The following GDA variants were observed in gnomAD, a reference collection of about 807,000 sequenced individuals.
The protein encoded by GDA is guanine deaminase, also known as cytoplasmic PSD-95 interactor.
GDA carries 18 observed loss-of-function variants against 59.6 expected under a neutral mutation model. The observed-to-expected ratio is 0.30, with a 90% CI of 0.21 to 0.45. GDA has a LOEUF of 0.45. GDA is among the 20% of genes least tolerant of loss of function. GDA has a pLI of 1.00. For synonymous variants in GDA, 201 were observed against 201.1 expected (o/e 1.00, Z 0.00); for missense variants, 427 against 552.3 (o/e 0.77, Z 2.27).
intron 1 of GDA, among the ~76,000 whole-genome samples, chr9:72,132,440 G>T (rs1303961988): frequency 2.0e-5 from 3 of 152,170 alleles, no homozygotes; most frequent in Non-Finnish European, 4.4e-5. Flanking sequence ...AAAAAACAAT[G>T]CCTCATACCA....
chr9:72,219,422 A>G, intron 5 of GDA, 57 bp from the exon 6 acceptor site: 1 of 1,287,420 alleles, frequency 7.8e-7, no homozygotes, highest in Non-Finnish European at 1.1e-6. Flanking sequence ...ATAATAATAA[A>G]GAAAAGAAAA....
At chr9:72,197,558 C>G (rs1281646524) in intron 2 of GDA, 2 of 152,070 alleles carry the variant, frequency 1.3e-5, no homozygotes, top group Admixed American at 6.6e-5. Context: ...GTAAACATAA[C>G]TGTGGGTCTT....
At position 72,137,242 on chromosome 9, in the gene GDA, C is replaced by CTTTTTTTT. The variant is rs143364725; in HGVS notation, c.-100+22423_-100+22430dup. The stretch of plus-strand genomic sequence containing the variant: ...AAAATTAGGATCCTTTTCTTTTTTT[C>CTTTTTTTT]TTTTTTTTTTTTTTTTTTTTTGAGA... On this transcript the variant is annotated intron_variant, in intron 1 of 13. Transcript: ENST00000545168. Among the ~76,000 whole-genome samples, 674 of 84,518 alleles carry CTTTTTTTT rather than the reference C, an allele frequency of 8.0e-3. 1 individual carries two copies. The highest frequency in any genetic ancestry group is 0.01 in the African/African-American group (217 of 21,516). The allele number at this position is 84,518 out of a possible 152,430, so 55.4% of individuals were successfully genotyped here.
chr9:72,126,048 C>T (rs1825835468), intron 1 of GDA, among the ~76,000 whole-genome samples: 1 of 152,032 alleles, frequency 6.6e-6, no homozygotes, highest in Non-Finnish European at 1.5e-5. Context: ...TCCTGAGTAG[C>T]TAGGACTAGA....
At chr9:72,146,064 C>T (rs936665459), upstream of GDA, among the ~76,000 whole-genome samples, 1 of 150,630 alleles carries the variant, frequency 6.6e-6, no homozygotes, top group African/African-American at 2.4e-5. Flanking sequence ...TTACAGCACA[C>T]CCACAAACTC....
chr9:72,248,212 A>G, intron 13 of GDA, 60 bp from the exon 14 acceptor site: 1 of 1,157,242 alleles, frequency 8.6e-7, no homozygotes. Flanking sequence ...TCCCAATGGC[A>G]AGGAAGATAC....
At chr9:72,119,258 A>T (rs779434511) in intron 1 of GDA, among the ~76,000 whole-genome samples, 8 of 152,188 alleles carry the variant, frequency 5.3e-5, no homozygotes, top group Non-Finnish European at 1.0e-4. Flanking sequence ...CAATCCCAGC[A>T]CTTCAGGAGG....
Position 72,248,865 on chromosome 9 carries a change from T to A in GDA, c.*523T>A, listed in dbSNP as rs1273622282. 1.0e-6 allele frequency: 1 copy of A among 985,086 alleles called. No individual in the cohort carries two copies. The highest frequency in any genetic ancestry group is 1.7e-5 in the African/African-American group (1 of 57,226). The allele number at this position is 985,086 out of a possible 1,614,324, so 61.0% of individuals were successfully genotyped here. A position where few individuals can be genotyped will look rare whatever the true frequency, so the allele number is the denominator to read the frequency against. On this transcript the variant is annotated 3_prime_UTR_variant, in exon 14 of 14. Transcript: ENST00000358399. The stretch of plus-strand genomic sequence containing the variant: ...CATACTAATTTAAAAAGAGAACTTG[T>A]TGAAATTTAAAACGTGTTTCTAGGT...
At chr9:72,118,196 C>T (rs1484523247) in intron 1 of GDA, among the ~76,000 whole-genome samples, 3 of 130,092 alleles carry the variant, frequency 2.3e-5, no homozygotes, top group East Asian at 2.4e-4. Context: ...GGCGTGAACC[C>T]GGGAGGCGGA....
At chr9:72,143,021 G>A (rs993203716) in intron 1 of GDA, among the ~76,000 whole-genome samples, 4 of 151,610 alleles carry the variant, frequency 2.6e-5, no homozygotes, top group East Asian at 1.9e-4. Context: ...CACCTGCCTC[G>A]GCCTCCCAAA....
At chr9:72,216,106 G>A (rs1032240093) in intron 5 of GDA, among the ~76,000 whole-genome samples, 1 of 152,198 alleles carries the variant, frequency 6.6e-6, no homozygotes, top group Non-Finnish European at 1.5e-5. Flanking sequence ...GATCCTCCAC[G>A]GCTCAGGAAA....
At chr9:72,230,290 C>T (rs979023999) in intron 9 of GDA, among the ~76,000 whole-genome samples, 6 of 151,982 alleles carry the variant, frequency 3.9e-5, no homozygotes, top group Non-Finnish European at 8.8e-5. Flanking sequence ...GTCAAGAGTT[C>T]GAGACCAGCC....
chr9:72,202,508 T>C, intron 2 of GDA, 63 bp from the exon 3 acceptor site: 2 of 1,144,620 alleles, frequency 1.7e-6, no homozygotes, highest in Non-Finnish European at 2.5e-6. Context: ...AAAATGTGAT[T>C]TAAAAATATG....
At chr9:72,180,627 T>C (rs529542439) in intron 1 of GDA, among the ~76,000 whole-genome samples, 3 of 152,348 alleles carry the variant, frequency 2.0e-5, no homozygotes, top group African/African-American at 7.2e-5. Flanking sequence ...TGTTTGATGA[T>C]TTCAGGATTC....
At chr9:72,174,328 A>G (rs918446462) in intron 1 of GDA, among the ~76,000 whole-genome samples, 3 of 152,232 alleles carry the variant, frequency 2.0e-5, no homozygotes, top group Admixed American at 1.3e-4. Flanking sequence ...AATTGCAACT[A>G]CAATAAAACA....
chr9:72,127,017 G>A (rs1313995101), intron 1 of GDA, among the ~76,000 whole-genome samples: 1 of 151,844 alleles, frequency 6.6e-6, no homozygotes, highest in African/African-American at 2.4e-5. Context: ...TTACTTCCCA[G>A]ATTAAAATAT....
chr9:72,221,368 T>G (rs1352115083), intron 6 of GDA, among the ~76,000 whole-genome samples: 2 of 152,214 alleles, frequency 1.3e-5, no homozygotes, highest in Non-Finnish European at 2.9e-5. Context: ...TAGGATCTTT[T>G]GTTGAACTTG....
chr9:72,137,115 TAATACAAATGATTTCATTGGGG>T (rs1442727187), intron 1 of GDA, among the ~76,000 whole-genome samples: 3 of 151,456 alleles, frequency 2.0e-5, no homozygotes, highest in Non-Finnish European at 4.4e-5. Context: ...CTTCCAAGAA[TAATACAAATGATTTCATTGGGG>T]AATTGGAGTG....
chr9:72,149,392 C>T (rs1354465286), upstream of GDA: 9 of 651,400 alleles, frequency 1.4e-5, no homozygotes, highest in East Asian at 2.6e-4. Flanking sequence ...GAGCCAGCCC[C>T]TGGGCGCGGC....
Sources: gnomAD v4.1 joint callset for allele counts (sites outside exome capture counted in the v4.1 genomes callset) on GRCh38, gnomAD v4.1.1 for gene constraint, MANE v1.5 for transcripts, NCBI Gene and HGNC (gene_info 2026-07-23, HGNC 2026-07-21) for gene names.